CADM1: variants seen among roughly 807,000 people sequenced by gnomAD.
CADM1 encodes TSLC-1.
A neutral mutation model predicts 53.1 loss-of-function variants in CADM1; 15 were observed. The ratio of observed to expected loss-of-function variants is 0.28; its 90% CI spans 0.19 to 0.44. The LOEUF is 0.44. CADM1 is among the 20% of genes least tolerant of loss of function. CADM1 has a pLI of 1.00. For synonymous variants in CADM1, 281 were observed against 243.0 expected, an observed-to-expected ratio of 1.16 and a Z score of -1.45; for missense variants, 434 against 611.3, an observed-to-expected ratio of 0.71 and a Z score of 3.06.
At chr11:115,400,898 A>C (rs915383428) in intron 1 of CADM1, among the ~76,000 whole-genome samples, 2 of 151,812 alleles carry the variant, frequency 1.3e-5, no homozygotes, top group South Asian at 2.1e-4. Context: ...TGCTGGCAGG[A>C]AGGCAAAATA....
chr11:115,345,107 A>C (rs552206805), intron 1 of CADM1, among the ~76,000 whole-genome samples: 4 of 152,146 alleles, frequency 2.6e-5, no homozygotes, highest in Non-Finnish European at 5.9e-5. Flanking sequence ...GACAGCAAAC[A>C]ATTTGGTCCC....
At chr11:115,183,245 TGCCAGA>T (rs2134605906) in intron 10 of CADM1, among the ~76,000 whole-genome samples, 1 of 152,350 alleles carries the variant, frequency 6.6e-6, no homozygotes, top group South Asian at 2.1e-4. Flanking sequence ...TCAAACTCCT[TGCCAGA>T]GTCGTCTTAA....
intron 5 of CADM1, among the ~76,000 whole-genome samples, chr11:115,223,653 T>C (rs559597833): frequency 3.9e-4 from 60 of 152,230 alleles, no homozygotes; most frequent in African/African-American, 1.4e-3. Context: ...TTGCTCACGA[T>C]GTATTTGCCC....
intron 1 of CADM1, among the ~76,000 whole-genome samples, chr11:115,362,535 G>C (rs1178557908): frequency 6.6e-6 from 1 of 152,212 alleles, no homozygotes. Context: ...TTGCAGTTTA[G>C]TTGGTAAGAA....
At chr11:115,211,249 G>A (rs1419413394) in intron 7 of CADM1, among the ~76,000 whole-genome samples, 2 of 152,040 alleles carry the variant, frequency 1.3e-5, no homozygotes, top group Non-Finnish European at 2.9e-5. Flanking sequence ...CCTGCTGCAG[G>A]TGTCAGCATA....
In CADM1 at chr11:115,176,079, GGGA is replaced by G; in HGVS notation, c.*392_*394del. ...AATCCCAGCAGGCAAATTCCAAAAT[GGGA>G]GATTTTGGAAAAAATCCGAAATTGG... On this transcript the variant is annotated 3_prime_UTR_variant, in exon 12 of 12. Transcript: ENST00000331581. The G allele has an allele frequency of 9.3e-7, 1 of 1,080,676 alleles. No homozygotes were observed. The highest frequency in any genetic ancestry group is 1.1e-6 in the Non-Finnish European group (1 of 887,238). The allele number at this position is 1,080,676 out of a possible 1,614,324, so 66.9% of individuals were successfully genotyped here.
chr11:115,340,627 T>TAC (rs1555069227), intron 1 of CADM1, among the ~76,000 whole-genome samples: 7 of 39,042 alleles, frequency 1.8e-4, no homozygotes, highest in Admixed American at 1.4e-3. Flanking sequence ...TAATAAATAT[T>TAC]ATATATATAT....
At chr11:115,221,572 G>T (rs1458770619) in intron 5 of CADM1, among the ~76,000 whole-genome samples, 2 of 152,216 alleles carry the variant, frequency 1.3e-5, no homozygotes, top group Admixed American at 6.5e-5. Context: ...GTTGCTGGCA[G>T]ATTACAATTG....
intron 1 of CADM1, among the ~76,000 whole-genome samples, chr11:115,368,255 T>A: frequency 6.6e-6 from 1 of 152,084 alleles, no homozygotes; most frequent in Non-Finnish European, 1.5e-5. Context: ...GGACAGTTTG[T>A]CATAGATCCT....
chr11:115,463,080 C>G (rs914940515), intron 1 of CADM1, among the ~76,000 whole-genome samples: 3 of 152,110 alleles, frequency 2.0e-5, no homozygotes, highest in Admixed American at 2.0e-4. Context: ...GTCTCTACCC[C>G]TTTAAGAATC....
intron 1 of CADM1, among the ~76,000 whole-genome samples, chr11:115,364,749 C>T (rs1946115576): frequency 6.6e-6 from 1 of 152,180 alleles, no homozygotes; most frequent in Admixed American, 6.6e-5. Context: ...TTATCACTCT[C>T]TACTGTTGAA....
At chr11:115,468,714 A>G (rs1413955985) in intron 1 of CADM1, among the ~76,000 whole-genome samples, 2 of 152,214 alleles carry the variant, frequency 1.3e-5, no homozygotes, top group Admixed American at 6.5e-5. Flanking sequence ...GTAAATGAAC[A>G]TAAGTCTACA....
At chr11:115,289,593 C>CTTTTTTTTTTTTTTT (rs56766047) in intron 1 of CADM1, among the ~76,000 whole-genome samples, 2 of 109,030 alleles carry the variant, frequency 1.8e-5, no homozygotes, top group African/African-American at 3.6e-5. Flanking sequence ...CTTTTTTTTT[C>CTTTTTTTTTTTTTTT]TTTTTTTTTT....
chr11:115,194,546 A>G (rs1368751074), intron 9 of CADM1, among the ~76,000 whole-genome samples: 1 of 152,230 alleles, frequency 6.6e-6, no homozygotes, highest in African/African-American at 2.4e-5. Flanking sequence ...ATTAAGAACA[A>G]TTTAAAAACT....
rs1941051543 is a variant in CADM1, at chr11:115,213,520, T to C, written c.994+1088A>G. ...AACCTCAGGTATAGGCTAAGGATTATATTTTAATATCCATGCAGATATGGT... is the reference window on the plus strand; with the variant it reads ...AACCTCAGGTATAGGCTAAGGATTACATTTTAATATCCATGCAGATATGGT... On this transcript the variant is annotated intron_variant, in intron 7 of 11. Transcript: ENST00000331581. Among the ~76,000 whole-genome samples, 3 of 152,216 alleles carry C rather than the reference T, an allele frequency of 2.0e-5. No homozygotes were observed. In the South Asian group the frequency reaches 6.2e-4, roughly 32 times the overall value.
Position 115,175,464 on chromosome 11 carries a change from C to T in CADM1, c.*1010G>A, listed in dbSNP as rs750299940. 2 of 985,594 alleles carry T rather than the reference C, an allele frequency of 2.0e-6. No individual in the cohort carries two copies. The highest frequency in any genetic ancestry group is 1.1e-4 in the East Asian group (1 of 8,820). The allele number at this position is 985,594 out of a possible 1,614,324, so 61.1% of individuals were successfully genotyped here. On this transcript the variant is annotated 3_prime_UTR_variant, in exon 12 of 12. Transcript: ENST00000331581. ...TCCTACAAATTAGTGAGAAGTAAGGCCGATTGGGAAAGGTGGATGGAATCA... is the reference window on the plus strand; with the variant it reads ...TCCTACAAATTAGTGAGAAGTAAGGTCGATTGGGAAAGGTGGATGGAATCA...
At chr11:115,373,533 C>T (rs1215190160) in intron 1 of CADM1, among the ~76,000 whole-genome samples, 2 of 134,938 alleles carry the variant, frequency 1.5e-5, no homozygotes, top group East Asian at 4.3e-4. Context: ...TGCAGTGACC[C>T]AGATCATGCC....
chr11:115,491,145 A>G (rs1159218875), intron 1 of CADM1, among the ~76,000 whole-genome samples: 1 of 152,158 alleles, frequency 6.6e-6, no homozygotes, highest in African/African-American at 2.4e-5. Context: ...CTTATTGGAT[A>G]AGGAGAAGGG....
chr11:115,493,277 C>CT (rs1227217437), intron 1 of CADM1, among the ~76,000 whole-genome samples: 2 of 138,750 alleles, frequency 1.4e-5, no homozygotes, highest in East Asian at 2.1e-4. Context: ...TTGTAATTTT[C>CT]TAAAAAAAAA....
Sources: allele counts gnomAD v4.1 joint callset (sites outside exome capture counted in the v4.1 genomes callset), GRCh38; gene constraint gnomAD v4.1.1; transcripts MANE v1.5; gene names NCBI Gene and HGNC (gene_info 2026-07-23, HGNC 2026-07-21).